The following MYO5B variants were observed in gnomAD, a reference collection of about 807,000 sequenced individuals.
The protein encoded by MYO5B is myosin VB, also known as unconventional myosin-Vb.
In MYO5B, 143 loss-of-function variants were observed where a neutral mutation model predicts 229.3. The observed-to-expected ratio is 0.62, with a 90% confidence interval of 0.54 to 0.72. The LOEUF is 0.72. Among genes scored for constraint, MYO5B ranks in the 30% least tolerant of loss-of-function variants. The probability of loss-of-function intolerance (pLI) is 0.00; values close to 1 mark genes in which losing one functional copy is unlikely to be tolerated. For missense variants in MYO5B, 2,321 were observed against 2,331.0 expected, an observed-to-expected ratio of 1.00 and a Z score of 0.09; for synonymous variants, 918 against 885.2, an observed-to-expected ratio of 1.04 and a Z score of -0.66.
Position 49,991,870 on chromosome 18 carries a change from T to A in MYO5B, c.756+418A>T, listed in dbSNP as rs531757160. ...CCACTTATTTGAAAAGAAAACTAAG[T>A]AGGTAGCCAAGTATAATCTATTTTT... On this transcript the variant is annotated intron_variant, in intron 6 of 39. Coordinates refer to ENST00000285039, the MANE Select transcript of MYO5B (RefSeq NM_001080467.3). Among the ~76,000 whole-genome samples, 4 of 152,262 alleles carry A rather than the reference T, an allele frequency of 2.6e-5. No homozygotes were observed. In the South Asian group the frequency reaches 8.3e-4, roughly 32 times the overall value.
intron 3 of MYO5B, among the ~76,000 whole-genome samples, chr18:50,037,708 T>C (rs923389032): frequency 1.3e-5 from 2 of 152,202 alleles, no homozygotes; most frequent in African/African-American, 4.8e-5. Flanking sequence ...GAGACCAGCC[T>C]GGTTAACACA....
Position 49,823,598 on chromosome 18 carries a change from AG to A in MYO5B, c.*2872del, listed in dbSNP as rs2023800177. On this transcript the variant is annotated 3_prime_UTR_variant, in exon 40 of 40. Coordinates refer to ENST00000285039, the MANE Select transcript of MYO5B (RefSeq NM_001080467.3). The stretch of plus-strand genomic sequence containing the variant: ...CCTAGTTTTGTTTTGTTTTTACAAA[AG>A]CCTTAAAATTTAGTACTAGGGAAAT... 1 of 151,020 alleles carries A rather than the reference AG, an allele frequency of 6.6e-6. No individual in the cohort carries two copies. The highest frequency in any genetic ancestry group is 2.4e-5 in the African/African-American group (1 of 40,996). 9.4% of individuals were successfully genotyped at this position (151,020 alleles called of 1,614,324 possible). A position where few individuals can be genotyped will look rare whatever the true frequency, so the allele number is the denominator to read the frequency against.
intron 2 of MYO5B, among the ~76,000 whole-genome samples, chr18:50,054,564 G>T (rs2030492701): frequency 6.6e-6 from 1 of 152,198 alleles, no homozygotes; most frequent in South Asian, 2.1e-4. Flanking sequence ...AAATGCACCA[G>T]TTGCAGAGGC....
intron 1 of MYO5B, among the ~76,000 whole-genome samples, chr18:50,157,468 A>C (rs2032698989): frequency 6.6e-6 from 1 of 151,886 alleles, no homozygotes; most frequent in African/African-American, 2.4e-5. Flanking sequence ...CTCCCCTATA[A>C]TTTCTAACAG....
chr18:50,023,322 C>T (rs1185231668), intron 4 of MYO5B, among the ~76,000 whole-genome samples: 2 of 152,178 alleles, frequency 1.3e-5, no homozygotes, highest in South Asian at 2.1e-4. Flanking sequence ...AGTTTTTGAA[C>T]TGCAGTGGGC....
chr18:50,041,702 TTGTG>T (rs2030020893), intron 2 of MYO5B, among the ~76,000 whole-genome samples: 1 of 152,156 alleles, frequency 6.6e-6, no homozygotes, highest in Non-Finnish European at 1.5e-5. Flanking sequence ...GGGCAAGTAT[TTGTG>T]TAAGTTTTGG....
At chr18:50,070,198 A>G (rs982373492) in intron 1 of MYO5B, among the ~76,000 whole-genome samples, 4 of 151,352 alleles carry the variant, frequency 2.6e-5, no homozygotes, top group African/African-American at 9.7e-5. Flanking sequence ...ATTTTTTTGT[A>G]TTTTTAGTAG....
At chr18:49,929,633 CAAG>C (rs2025168123) in intron 16 of MYO5B, 35 bp from the exon 17 acceptor site, 1 of 1,506,784 alleles carries the variant, frequency 6.6e-7, no homozygotes, top group Admixed American at 1.8e-5. Context: ...AAAAGCAAGA[CAAG>C]AGATGAGTGG....
chr18:50,038,992 G>C (rs2029920435), intron 3 of MYO5B, among the ~76,000 whole-genome samples: 1 of 152,146 alleles, frequency 6.6e-6, no homozygotes, highest in Admixed American at 6.5e-5. Flanking sequence ...CTGAAATCTG[G>C]AAGAAAAACT....
intron 2 of MYO5B, among the ~76,000 whole-genome samples, chr18:50,046,173 G>T (rs535090301): frequency 6.6e-6 from 1 of 152,182 alleles, no homozygotes; most frequent in East Asian, 1.9e-4. Context: ...AAATCGCACC[G>T]AATAGGAGTC....
In MYO5B at chr18:50,055,305, C is replaced by G. The variant is rs2030518779; in HGVS notation, c.101G>C (p.Gly34Ala). The G allele has an allele frequency of 1.8e-5, 28 of 1,515,554 alleles. No homozygotes were observed. Among genetic ancestry groups the G allele is most frequent in the Non-Finnish European group, 2.5e-5 (28 of 1,120,358 alleles). 93.9% of individuals were successfully genotyped at this position (1,515,554 alleles called of 1,614,324 possible). ...SAELTKDYKEGDKSLQLRLED... is the reference protein window; with the variant it reads ...SAELTKDYKEADKSLQLRLED... ...CAGTCTGAGCTGTAGGCTCTTGTCT[C>G]CTTCTTTGTAGTCCTTGGTTAACTC... is the stretch of plus-strand genomic sequence containing the variant. The change falls in exon 2 of 40, where the codon GGA becomes GCA. Residue 34 changes from glycine (G) to alanine (A), a missense_variant. By Grantham distance (60) the Gly-to-Ala change is moderately conservative. Coordinates refer to ENST00000285039, the MANE Select transcript of MYO5B (RefSeq NM_001080467.3).
intron 1 of MYO5B, among the ~76,000 whole-genome samples, chr18:50,098,589 G>T (rs1403473328): frequency 6.6e-6 from 1 of 152,196 alleles, no homozygotes; most frequent in African/African-American, 2.4e-5. Context: ...AAGCACAGTG[G>T]CATGGGGACT....
intron 1 of MYO5B, among the ~76,000 whole-genome samples, chr18:50,165,570 G>A (rs2032836207): frequency 6.6e-6 from 1 of 152,208 alleles, no homozygotes; most frequent in Admixed American, 6.5e-5. Flanking sequence ...AAGGTCACGA[G>A]TTCAAGACCA....
chr18:50,179,925 T>C (rs1054796800), intron 1 of MYO5B, among the ~76,000 whole-genome samples: 5 of 152,176 alleles, frequency 3.3e-5, no homozygotes, highest in Non-Finnish European at 7.3e-5. Context: ...AGCATCCTGT[T>C]GGTGGTATCA....
At chr18:49,990,329 C>A in intron 7 of MYO5B, 110 bp downstream of exon 7, 1 of 887,640 alleles carries the variant, frequency 1.1e-6, no homozygotes, top group Non-Finnish European at 1.8e-6. Flanking sequence ...ACATAAGAGG[C>A]AGAGCCGAGA....
chr18:49,999,119 T>C (rs2026019500), intron 5 of MYO5B, among the ~76,000 whole-genome samples: 1 of 152,234 alleles, frequency 6.6e-6, no homozygotes. Flanking sequence ...ACTACTTTGT[T>C]CAGTCTCTGG....
intron 27 of MYO5B, chr18:49,871,666 C>A: frequency 4.7e-6 from 1 of 212,884 alleles, no homozygotes; most frequent in Non-Finnish European, 9.5e-6. Context: ...TCAGACCAAC[C>A]AGCCAGAGTT....
At chr18:49,856,724 G>T (rs973894771) in intron 30 of MYO5B, 89 bp downstream of exon 30, 2 of 1,115,828 alleles carry the variant, frequency 1.8e-6, no homozygotes, top group African/African-American at 1.5e-5. Flanking sequence ...CCGTGCTCTC[G>T]CACCCACTGT....
intron 1 of MYO5B, among the ~76,000 whole-genome samples, chr18:50,185,187 G>C (rs1257500307): frequency 6.6e-6 from 1 of 151,852 alleles, no homozygotes; most frequent in Admixed American, 6.6e-5. Context: ...TGTTCCCAGT[G>C]ATCAATAATG....
Sources: allele counts gnomAD v4.1 joint callset (sites outside exome capture counted in the v4.1 genomes callset), GRCh38; gene constraint gnomAD v4.1.1; transcripts MANE v1.5; gene names NCBI Gene and HGNC (gene_info 2026-07-23, HGNC 2026-07-21).